Variants in POU2F3 observed in about 807,000 individuals in gnomAD.
POU2F3 encodes POU domain, class 2, transcription factor 3.
A neutral mutation model predicts 59.2 loss-of-function variants in POU2F3; 23 were observed. The ratio of observed to expected loss-of-function variants is 0.39; its 90% CI spans 0.28 to 0.55. The LOEUF is 0.55. POU2F3 is among the 20% of genes least tolerant of loss of function. The pLI is 0.66. For synonymous variants in POU2F3, 190 were observed against 214.6 expected (o/e 0.89, Z 1.00); for missense variants, 473 against 544.5 (o/e 0.87, Z 1.31).
At chr11:120,317,640 C>T (rs1941823438) in intron 12 of POU2F3, among the ~76,000 whole-genome samples, 1 of 152,246 alleles carries the variant, frequency 6.6e-6, no homozygotes, top group Admixed American at 6.5e-5. Flanking sequence ...AATTTCCAAA[C>T]ACTCATGTCA....
intron 3 of POU2F3, among the ~76,000 whole-genome samples, chr11:120,287,734 A>T (rs1940836600): frequency 6.6e-6 from 1 of 152,188 alleles, no homozygotes; most frequent in Non-Finnish European, 1.5e-5. Flanking sequence ...CAGGATAGGC[A>T]CTTAGTTAAT....
At chr11:120,291,995 A>C (rs1442164376) in intron 3 of POU2F3, among the ~76,000 whole-genome samples, 1 of 152,072 alleles carries the variant, frequency 6.6e-6, no homozygotes, top group Non-Finnish European at 1.5e-5. Flanking sequence ...TTTTTAGTAG[A>C]GATGGGGTTT....
At chr11:120,314,481 CCA>C (rs1293538374) in intron 10 of POU2F3, among the ~76,000 whole-genome samples, 1 of 152,216 alleles carries the variant, frequency 6.6e-6, no homozygotes, top group Non-Finnish European at 1.5e-5. Context: ...ACACTCTTTG[CCA>C]GCTGTTGGGT....
intron 6 of POU2F3, 88 bp from the exon 7 acceptor site, chr11:120,304,942 T>TAAAAAAAA (rs11443197): frequency 3.9e-5 from 13 of 336,654 alleles, no homozygotes; most frequent in Admixed American, 2.0e-4. Flanking sequence ...GGCCTATTAG[T>TAAAAAAAA]AAAAAAAAAA....
chr11:120,315,635 T>C (rs1444695302), intron 11 of POU2F3, among the ~76,000 whole-genome samples: 2 of 152,192 alleles, frequency 1.3e-5, no homozygotes, highest in Non-Finnish European at 2.9e-5. Context: ...TGTTTTGTTT[T>C]GTTTTGCTTT....
rs558263017 is a variant in POU2F3 at position 120,291,127 on chromosome 11, C to A, written c.133-7138C>A. The stretch of plus-strand genomic sequence containing the variant: ...TTATCTGATTCTGAACCTTGCCCTG[C>A]ATAGTCATTGAGAACTCTGAGTGGG... On this transcript the variant is annotated intron_variant, in intron 3 of 12. Transcript: ENST00000543440. 5.3e-5 allele frequency among the ~76,000 whole-genome samples: 8 copies of A among 152,314 alleles called. No individual in the cohort carries two copies. The South Asian group carries it at 1.7e-3, about 32-fold the overall frequency.
chr11:120,246,780 A>G (rs528552666), intron 2 of POU2F3, among the ~76,000 whole-genome samples: 10 of 152,122 alleles, frequency 6.6e-5, no homozygotes, highest in Non-Finnish European at 1.5e-4. Context: ...AAAACCAAAA[A>G]AGTTCAGGAG....
At chr11:120,311,813 G>A (rs1246922395) in intron 10 of POU2F3, among the ~76,000 whole-genome samples, 1 of 152,134 alleles carries the variant, frequency 6.6e-6, no homozygotes, top group African/African-American at 2.4e-5. Flanking sequence ...TTTATGTAGA[G>A]GAAGCAAAGA....
At chr11:120,249,136 G>T (rs185061828) in intron 2 of POU2F3, among the ~76,000 whole-genome samples, 1 of 152,120 alleles carries the variant, frequency 6.6e-6, no homozygotes, top group African/African-American at 2.4e-5. Flanking sequence ...AGACGTGGCC[G>T]GGGGCACATG....
At chr11:120,294,620 T>C (rs775778231) in intron 3 of POU2F3, among the ~76,000 whole-genome samples, 22 of 152,360 alleles carry the variant, frequency 1.4e-4, no homozygotes, top group Non-Finnish European at 2.6e-4. Flanking sequence ...CCTTAACAGC[T>C]GTAAAAAGGG....
intron 8 of POU2F3, among the ~76,000 whole-genome samples, chr11:120,306,812 A>G (rs966795079): frequency 6.6e-6 from 1 of 152,186 alleles, no homozygotes; most frequent in Non-Finnish European, 1.5e-5. Context: ...CTCCCCCTAC[A>G]GGCTGTCCCT....
At chr11:120,264,190 TACAC>T (rs35186745) in intron 2 of POU2F3, among the ~76,000 whole-genome samples, 11,543 of 132,966 alleles carry the variant, frequency 0.087, 1,222 homozygotes, top group East Asian at 0.6. Flanking sequence ...TAAGACCTCA[TACAC>T]ACACACACAC....
rs1177791647 is a variant in POU2F3 at position 120,256,043 on chromosome 11, T to C, written c.97+9526T>C. On this transcript the variant is annotated intron_variant, in intron 2 of 12. Transcript: ENST00000543440. ...TACCGTCCCTCTTTCGGCTGGAGTT[T>C]GTGCATAAGACGAAGGGTCTGAATC... The C allele has an allele frequency of 2.0e-5, 3 of 152,234 alleles. No homozygotes were observed. The East Asian group carries it at 5.8e-4, about 29-fold the overall frequency. The allele number at this position is 152,234 out of a possible 1,614,324, so 9.4% of individuals were successfully genotyped here. A position where few individuals can be genotyped will look rare whatever the true frequency, so the allele number is the denominator to read the frequency against.
intron 8 of POU2F3, among the ~76,000 whole-genome samples, chr11:120,307,088 T>C (rs1179377358): frequency 6.6e-6 from 1 of 152,210 alleles, no homozygotes. Context: ...CATCCAGGCA[T>C]ATCTGTAAAC....
At chr11:120,299,916 CCTT>C (rs1442682593) in intron 5 of POU2F3, among the ~76,000 whole-genome samples, 190 bp downstream of exon 5, 4 of 152,242 alleles carry the variant, frequency 2.6e-5, no homozygotes, top group Non-Finnish European at 5.9e-5. Context: ...GGCTTAGTCT[CCTT>C]CTCTGCTTCC....
At chr11:120,306,702 C>T (rs1429561712) in intron 8 of POU2F3, among the ~76,000 whole-genome samples, 5 of 152,064 alleles carry the variant, frequency 3.3e-5, no homozygotes, top group South Asian at 2.1e-4. Flanking sequence ...CATATGGATT[C>T]GTGGTTACAC....
At chr11:120,306,409 T>C (rs757302017) in intron 8 of POU2F3, among the ~76,000 whole-genome samples, 89 of 152,106 alleles carry the variant, frequency 5.9e-4, no homozygotes, top group South Asian at 8.3e-4. Context: ...GCATACAGGA[T>C]GGGGCTTCTC....
intron 2 of POU2F3, among the ~76,000 whole-genome samples, chr11:120,260,188 G>A (rs112000026): frequency 4.6e-4 from 70 of 152,318 alleles, no homozygotes; most frequent in African/African-American, 1.6e-3. Flanking sequence ...ACAGTTCTCC[G>A]GCTTCCACCT....
chr11:120,271,439 C>T (rs1007549361), intron 3 of POU2F3, among the ~76,000 whole-genome samples: 20 of 152,252 alleles, frequency 1.3e-4, no homozygotes, highest in African/African-American at 4.6e-4. Flanking sequence ...TGATCCTAAA[C>T]AGGTTGGGAT....
Sources: allele counts gnomAD v4.1 joint callset (sites outside exome capture counted in the v4.1 genomes callset), GRCh38; gene constraint gnomAD v4.1.1; transcripts MANE v1.5; gene names NCBI Gene and HGNC (gene_info 2026-07-23, HGNC 2026-07-21).